Variants in ZNF608 observed in about 807,000 individuals in gnomAD.
ZNF608 encodes renal carcinoma antigen NY-REN-36.
In ZNF608, 12 loss-of-function variants were observed where a neutral mutation model predicts 109.0. The ratio of observed to expected loss-of-function variants is 0.11; its 90% CI spans 0.07 to 0.18. The LOEUF (loss-of-function observed/expected upper bound fraction) is 0.18. Among genes scored for constraint, ZNF608 ranks in the 10% least tolerant of loss-of-function variants. The pLI, the probability that ZNF608 is intolerant of heterozygous loss-of-function variation, is 1.00. For synonymous variants in ZNF608, 732 were observed against 717.4 expected (o/e 1.02, Z -0.33); for missense variants, 1,707 against 1,879.3 (o/e 0.91, Z 1.70).
At chr5:124,681,509 C>G (rs1752195562) in intron 3 of ZNF608, among the ~76,000 whole-genome samples, 1 of 152,036 alleles carries the variant, frequency 6.6e-6, no homozygotes, top group Non-Finnish European at 1.5e-5. Context: ...GGAGGCTGAG[C>G]TGGGAGCATC....
Position 124,637,919 on chromosome 5 carries a change from A to G in ZNF608, c.4533-13T>C. 3 of 1,611,586 alleles carry G rather than the reference A, an allele frequency of 1.9e-6. No homozygotes were observed. The highest frequency in any genetic ancestry group is 2.5e-6 in the Non-Finnish European group (3 of 1,178,894). On this transcript the variant is annotated splice_polypyrimidine_tract_variant and intron_variant, in intron 9 of 9. Coordinates refer to ENST00000513986, the MANE Select transcript of ZNF608 (RefSeq NM_020747.3). ...ATCTTGTTATTCTCTGCAAAAGAAA[A>G]GCAAACCTTAGCACACGGTTCTATC... is the stretch of plus-strand genomic sequence containing the variant.
chr5:124,683,639 A>G (rs1452660001), intron 3 of ZNF608, among the ~76,000 whole-genome samples: 1 of 152,168 alleles, frequency 6.6e-6, no homozygotes, highest in Middle Eastern at 3.2e-3. Flanking sequence ...ATATGAAACT[A>G]CTGTTCTTTG....
At chr5:124,651,748 CT>C (rs962705519) in intron 3 of ZNF608, among the ~76,000 whole-genome samples, 5 of 152,262 alleles carry the variant, frequency 3.3e-5, no homozygotes, top group Non-Finnish European at 7.3e-5. Context: ...CCGGCGCCCG[CT>C]GCGAGCACTC....
At chr5:124,707,980 A>T (rs1019001822) in intron 2 of ZNF608, 2 of 152,258 alleles carry the variant, frequency 1.3e-5, no homozygotes, top group African/African-American at 4.8e-5. Flanking sequence ...CTGAGAAAAC[A>T]ACATGGGCAA....
chr5:124,694,715 T>TC (rs1190163701), intron 3 of ZNF608, among the ~76,000 whole-genome samples: 1 of 133,076 alleles, frequency 7.5e-6, no homozygotes, highest in Non-Finnish European at 1.6e-5. Flanking sequence ...ATGCTATCCC[T>TC]CCCCCCTCCC....
At chr5:124,729,330 GACCAGCCA>G in intron 2 of ZNF608, among the ~76,000 whole-genome samples, 1 of 152,312 alleles carries the variant, frequency 6.6e-6, no homozygotes, top group East Asian at 1.9e-4. Context: ...CAGAGAGGAA[GACCAGCCA>G]ATGGAGGTCC....
At chr5:124,730,951 G>A (rs1390709615) in intron 2 of ZNF608, among the ~76,000 whole-genome samples, 2 of 152,272 alleles carry the variant, frequency 1.3e-5, no homozygotes, top group East Asian at 3.9e-4. Context: ...TTTCTTTCCA[G>A]GAAGGATTAA....
In ZNF608 at chr5:124,745,155, G is replaced by C; in HGVS notation, c.-166C>G. ...TGTGTCCAGGGATTTTACACCCTCA[G>C]TCCAGGTCCACCTTTTCCTGTGAAG... On this transcript the variant is annotated 5_prime_UTR_variant, in exon 2 of 10. Coordinates refer to ENST00000513986, the MANE Select transcript of ZNF608 (RefSeq NM_020747.3). 7.0e-7 allele frequency: 1 copy of C among 1,421,052 alleles called. No homozygotes were observed. Among genetic ancestry groups the C allele is most frequent in the Non-Finnish European group, 9.1e-7 (1 of 1,096,528 alleles). 88.0% of individuals were successfully genotyped at this position (1,421,052 alleles called of 1,614,324 possible).
At chr5:124,674,373 A>G (rs1436154958) in intron 3 of ZNF608, among the ~76,000 whole-genome samples, 3 of 152,166 alleles carry the variant, frequency 2.0e-5, no homozygotes, top group African/African-American at 7.2e-5. Context: ...TGGGGCCCAA[A>G]TATCAGTAGG....
chr5:124,660,270 A>G (rs1751197114), intron 3 of ZNF608, among the ~76,000 whole-genome samples: 1 of 152,128 alleles, frequency 6.6e-6, no homozygotes, highest in Admixed American at 6.5e-5. Context: ...AAAAGCCACC[A>G]TCTTTGCAAA....
rs5871098 is a variant in ZNF608 at position 124,665,180 on chromosome 5, C to CAA, written c.1163-15485_1163-15484dup. ...AACAGAGGGAGACTCCACCTCCCCC[C>CAA]AAAAAAAAAAAAAAATACCATGTTC... On this transcript the variant is annotated intron_variant, in intron 3 of 9. Transcript: ENST00000513986. 2.3e-3 allele frequency among the ~76,000 whole-genome samples: 308 copies of CAA among 135,608 alleles called. 1 individual carries two copies. The highest frequency in any genetic ancestry group is 8.0e-3 in the African/African-American group (296 of 36,890). 89.0% of individuals were successfully genotyped at this position (135,608 alleles called of 152,430 possible).
intron 3 of ZNF608, among the ~76,000 whole-genome samples, chr5:124,674,007 T>C (rs1432846467): frequency 6.6e-6 from 1 of 152,162 alleles, no homozygotes. Context: ...ACCAGGTAAA[T>C]TATGAGAAAA....
At chr5:124,690,329 C>A (rs1580629913) in intron 3 of ZNF608, among the ~76,000 whole-genome samples, 1 of 152,268 alleles carries the variant, frequency 6.6e-6, no homozygotes, top group South Asian at 2.1e-4. Flanking sequence ...TCTAAACTCA[C>A]TGATTGTATC....
intron 3 of ZNF608, among the ~76,000 whole-genome samples, chr5:124,664,860 G>A (rs1260395774): frequency 6.6e-6 from 1 of 152,166 alleles, no homozygotes; most frequent in Non-Finnish European, 1.5e-5. Context: ...ATGTGCTGCA[G>A]GTGGCAAGCA....
chr5:124,685,359 A>G (rs1260799217), intron 3 of ZNF608, among the ~76,000 whole-genome samples: 1 of 152,226 alleles, frequency 6.6e-6, no homozygotes, highest in African/African-American at 2.4e-5. Context: ...ACACTGAACC[A>G]TAGCAAGTTG....
chr5:124,745,962 A>T, intron 1 of ZNF608: 1 of 185,842 alleles, frequency 5.4e-6, no homozygotes, highest in Non-Finnish European at 1.0e-5. Context: ...TAGGTCAGAG[A>T]ATTGCTCACT....
intron 3 of ZNF608, among the ~76,000 whole-genome samples, chr5:124,675,319 A>G (rs756215094): frequency 2.0e-5 from 3 of 152,232 alleles, no homozygotes; most frequent in Non-Finnish European, 2.9e-5. Context: ...AAATTACTCA[A>G]GCTGACTTGG....
chr5:124,639,067 C>G, intron 9 of ZNF608, 66 bp downstream of exon 9: 1 of 1,499,990 alleles, frequency 6.7e-7, no homozygotes, highest in Non-Finnish European at 9.2e-7. Flanking sequence ...AAATCCTGTA[C>G]TTGCTTCCTC....
At chr5:124,638,938 G>T in intron 9 of ZNF608, 195 bp downstream of exon 9, 1 of 803,534 alleles carries the variant, frequency 1.2e-6, no homozygotes, top group Non-Finnish European at 1.9e-6. Flanking sequence ...ACTAATCTAT[G>T]TAACCCTTAC....
Sources: allele counts gnomAD v4.1 joint callset (sites outside exome capture counted in the v4.1 genomes callset), GRCh38; gene constraint gnomAD v4.1.1; transcripts MANE v1.5; gene names NCBI Gene and HGNC (gene_info 2026-07-23, HGNC 2026-07-21).